The following ZFPM2 variants were observed in gnomAD, a reference collection of about 807,000 sequenced individuals.
ZFPM2 encodes the protein zinc finger protein ZFPM2.
Under a neutral mutation model 98.6 loss-of-function variants are expected in ZFPM2, and 20 were observed. The ratio of observed to expected loss-of-function variants is 0.20; its 90% CI spans 0.14 to 0.29. The LOEUF (loss-of-function observed/expected upper bound fraction) is 0.29, where lower values mean the gene tolerates loss of function less well. Ranked by LOEUF, ZFPM2 falls within the 10% of genes least tolerant of loss-of-function variation. The pLI is 1.00. For missense variants in ZFPM2, 1,310 were observed against 1,388.6 expected (o/e 0.94, Z 0.90); for synonymous variants, 518 against 502.7 (o/e 1.03, Z -0.41).
intron 4 of ZFPM2, among the ~76,000 whole-genome samples, chr8:105,607,286 T>A (rs1451084561): frequency 6.6e-6 from 1 of 152,102 alleles, no homozygotes; most frequent in African/African-American, 2.4e-5. Context: ...ACCTTATCTT[T>A]TTTAACTTGA....
Position 105,454,540 on chromosome 8 carries a change from G to A in ZFPM2, c.301+10159G>A, listed in dbSNP as rs114449420. ...AACTTACACTTGCAGTGATAGTACCGTGTATCAGGTGATTTAGGTGTTTCA... is the reference window on the plus strand; with the variant it reads ...AACTTACACTTGCAGTGATAGTACCATGTATCAGGTGATTTAGGTGTTTCA... On this transcript the variant is annotated intron_variant, in intron 3 of 7. Transcript: ENST00000407775. Among the ~76,000 whole-genome samples the A allele has an allele frequency of 4.3e-3, 651 of 152,270 alleles. 5 individuals are homozygous for A. Among genetic ancestry groups the A allele is most frequent in the African/African-American group, 0.014 (598 of 41,544 alleles).
At chr8:105,425,780 C>T (rs1811894954) in intron 2 of ZFPM2, among the ~76,000 whole-genome samples, 1 of 152,164 alleles carries the variant, frequency 6.6e-6, no homozygotes, top group East Asian at 1.9e-4. Flanking sequence ...CTCCCTGCCC[C>T]TGGTCCCTGA....
chr8:105,654,181 T>A (rs1053936934), intron 5 of ZFPM2, among the ~76,000 whole-genome samples: 1 of 150,918 alleles, frequency 6.6e-6, no homozygotes, highest in African/African-American at 2.4e-5. Flanking sequence ...GCCTCTGTCA[T>A]CCTTCCTGCG....
chr8:105,772,379 G>A (rs999086042), intron 5 of ZFPM2, among the ~76,000 whole-genome samples: 2 of 152,126 alleles, frequency 1.3e-5, no homozygotes, highest in African/African-American at 4.8e-5. Flanking sequence ...TTTGTCATTA[G>A]AGGAAATGAA....
intron 3 of ZFPM2, among the ~76,000 whole-genome samples, chr8:105,483,242 C>A (rs760427380): frequency 2.0e-5 from 3 of 151,968 alleles, no homozygotes; most frequent in Non-Finnish European, 4.4e-5. Flanking sequence ...TTGGTCTAAA[C>A]AAAAACTTTA....
chr8:105,728,452 T>G (rs543065136), intron 5 of ZFPM2, among the ~76,000 whole-genome samples: 1 of 151,902 alleles, frequency 6.6e-6, no homozygotes, highest in African/African-American at 2.4e-5. Flanking sequence ...GGAACGATGC[T>G]TATCTTGTGG....
intron 4 of ZFPM2, among the ~76,000 whole-genome samples, chr8:105,596,694 C>CTCATGATA (rs1815976628): frequency 6.9e-6 from 1 of 145,302 alleles, no homozygotes; most frequent in Non-Finnish European, 1.5e-5. Context: ...TATAAAGCAA[C>CTCATGATA]TCATGATAGA....
At chr8:105,734,784 A>G (rs1414318828) in intron 5 of ZFPM2, among the ~76,000 whole-genome samples, 1 of 151,868 alleles carries the variant, frequency 6.6e-6, no homozygotes, top group African/African-American at 2.4e-5. Flanking sequence ...GAAGTCTGCA[A>G]GCTACCTCTT....
intron 3 of ZFPM2, among the ~76,000 whole-genome samples, chr8:105,482,448 ATCTAGT>A (rs1490969741): frequency 2.6e-5 from 4 of 152,140 alleles, no homozygotes; most frequent in African/African-American, 7.2e-5. Flanking sequence ...GTGATTACTG[ATCTAGT>A]TCTATTTATT....
At position 105,609,621 on chromosome 8, in the gene ZFPM2, T is replaced by A. The variant is rs1816265206; in HGVS notation, c.421-24625T>A. 2.0e-5 allele frequency among the ~76,000 whole-genome samples: 3 copies of A among 152,194 alleles called. No homozygotes were observed. In the South Asian group the frequency reaches 6.2e-4, roughly 32 times the overall value. The stretch of plus-strand genomic sequence containing the variant: ...ATCACTGCCCCGCCTTGCGTTGAAT[T>A]CCCTTTTTGGTTTAACTGTAAAAAG... On this transcript the variant is annotated intron_variant, in intron 4 of 7. Transcript: ENST00000407775.
chr8:105,803,478 A>G lies in ZFPM2; in HGVS notation c.3396A>G (p.Ser1132=). 6.2e-7 allele frequency: 1 copy of G among 1,613,362 alleles called. No individual in the cohort carries two copies. The highest frequency in any genetic ancestry group is 8.5e-7 in the Non-Finnish European group (1 of 1,179,570). ...GTGATATCCAGTTCAACAACCTTTC[A>G]AACTTTATAACTCACAAGAAGTTTT... ...RLCDIQFNNL[S]NFITHKKFYC... is the part of the protein sequence containing the mutation. The change falls in exon 8 of 8, where the codon TCA becomes TCG. Residue 1132 remains serine (S), a synonymous_variant. Coordinates refer to ENST00000407775, the MANE Select transcript of ZFPM2 (RefSeq NM_012082.4).
At chr8:105,574,913 AG>A (rs1393223564) in intron 4 of ZFPM2, among the ~76,000 whole-genome samples, 1 of 151,146 alleles carries the variant, frequency 6.6e-6, no homozygotes, top group African/African-American at 2.4e-5. Flanking sequence ...TCAGGACCCA[AG>A]TACATGTTAA....
intron 5 of ZFPM2, among the ~76,000 whole-genome samples, chr8:105,753,947 T>C (rs1586240618): frequency 6.6e-6 from 1 of 152,148 alleles, no homozygotes; most frequent in African/African-American, 2.4e-5. Flanking sequence ...TTCTAGTGTG[T>C]TATTTAAAAA....
At chr8:105,362,570 A>G (rs1810425554) in intron 1 of ZFPM2, among the ~76,000 whole-genome samples, 1 of 152,060 alleles carries the variant, frequency 6.6e-6, no homozygotes, top group South Asian at 2.1e-4. Flanking sequence ...TTTTAATTTT[A>G]TTGACATTAC....
chr8:105,733,591 A>G (rs965183825), intron 5 of ZFPM2, among the ~76,000 whole-genome samples: 1 of 151,876 alleles, frequency 6.6e-6, no homozygotes, highest in Non-Finnish European at 1.5e-5. Context: ...CCCTGGAGGC[A>G]CTTAGAATCT....
At chr8:105,371,303 A>G (rs1275629619) in intron 1 of ZFPM2, among the ~76,000 whole-genome samples, 1 of 152,152 alleles carries the variant, frequency 6.6e-6, no homozygotes, top group Non-Finnish European at 1.5e-5. Flanking sequence ...CAAAAGCTGA[A>G]TATTTAAAGA....
intron 5 of ZFPM2, among the ~76,000 whole-genome samples, chr8:105,777,772 T>TAATC (rs1397511543): frequency 3.3e-5 from 5 of 152,190 alleles, no homozygotes; most frequent in Non-Finnish European, 5.9e-5. Flanking sequence ...AAAAAGGCAT[T>TAATC]AATCAACTCT....
chr8:105,350,594 G>A (rs1265814501), intron 1 of ZFPM2, among the ~76,000 whole-genome samples: 2 of 152,122 alleles, frequency 1.3e-5, no homozygotes, highest in Non-Finnish European at 2.9e-5. Flanking sequence ...TTAGGATAGG[G>A]AGAGAGCAAA....
intron 5 of ZFPM2, among the ~76,000 whole-genome samples, chr8:105,759,582 G>A (rs1812690188): frequency 9.5e-6 from 1 of 105,434 alleles, no homozygotes; most frequent in South Asian, 2.4e-4. Context: ...GATAATCCTT[G>A]TGTGTGTGTG....
Sources: gnomAD v4.1 joint callset for allele counts (sites outside exome capture counted in the v4.1 genomes callset) on GRCh38, gnomAD v4.1.1 for gene constraint, MANE v1.5 for transcripts, NCBI Gene and HGNC (gene_info 2026-07-23, HGNC 2026-07-21) for gene names.